The following ADAMTS12 variants were observed in gnomAD, a reference collection of about 807,000 sequenced individuals.
ADAMTS12 encodes the protein ADAM metallopeptidase with thrombospondin type 1 motif 12.
ADAMTS12 carries 118 observed loss-of-function variants against 167.8 expected under a neutral mutation model. The ratio of observed to expected loss-of-function variants is 0.70; its 90% CI spans 0.61 to 0.82. The LOEUF is 0.82. ADAMTS12 is among the 40% of genes least tolerant of loss of function. ADAMTS12 has a pLI of 0.00. For missense variants in ADAMTS12, 1,916 were observed against 1,998.8 expected, an observed-to-expected ratio of 0.96 and a Z score of 0.79; for synonymous variants, 704 against 716.9, an observed-to-expected ratio of 0.98 and a Z score of 0.29.
intron 2 of ADAMTS12, among the ~76,000 whole-genome samples, chr5:33,809,983 GAAA>G (rs202032209): frequency 0.3 from 35,098 of 118,004 alleles, 4,369 homozygotes; most frequent in East Asian, 0.41. Flanking sequence ...AAGTTTAACA[GAAA>G]AAAAAAAAAA....
At chr5:33,573,477 C>T (rs1370295844) in intron 19 of ADAMTS12, among the ~76,000 whole-genome samples, 1 of 152,098 alleles carries the variant, frequency 6.6e-6, no homozygotes, top group East Asian at 1.9e-4. Flanking sequence ...TTTGACAAAC[C>T]TGAGAAAAAC....
chr5:33,819,014 A>T (rs1175391235), intron 2 of ADAMTS12, among the ~76,000 whole-genome samples: 5 of 151,850 alleles, frequency 3.3e-5, no homozygotes, highest in African/African-American at 1.2e-4. Context: ...TAGTTTACAA[A>T]TTTTTTTCCC....
At position 33,615,975 on chromosome 5, in the gene ADAMTS12, A is replaced by G. The variant is rs139915816; in HGVS notation, c.2241T>C (p.Asp747=). The change falls in exon 15 of 24, where the codon GAT becomes GAC. Residue 747 remains aspartate, a synonymous_variant. Transcript: ENST00000504830. ...CTCCATTCAGGTAATATTTTTCAGG[A>G]TCTTCACTCCTGATGGCCAGGAAGT... is the stretch of plus-strand genomic sequence containing the variant. The part of the protein sequence containing the change: ...AGNFLAIRSE[D]PEKYYLNGGF... The G allele has an allele frequency of 1.9e-6, 3 of 1,614,002 alleles. No homozygotes were observed. The African/African-American group carries it at 4.0e-5, about 22-fold the overall frequency.
At chr5:33,815,645 C>T (rs1747624880) in intron 2 of ADAMTS12, among the ~76,000 whole-genome samples, 1 of 152,196 alleles carries the variant, frequency 6.6e-6, no homozygotes, top group African/African-American at 2.4e-5. Flanking sequence ...TTAGCTAGGA[C>T]ATCAACGTTA....
chr5:33,557,894 G>A (rs256637), intron 20 of ADAMTS12, among the ~76,000 whole-genome samples: 43,784 of 151,798 alleles, frequency 0.29, 7,727 homozygotes, highest in East Asian at 0.59. Flanking sequence ...TTCTCATAGG[G>A]ATGCAAAGCC....
chr5:33,787,374 T>C (rs2112451358), intron 2 of ADAMTS12, among the ~76,000 whole-genome samples: 1 of 152,364 alleles, frequency 6.6e-6, no homozygotes, highest in South Asian at 2.1e-4. Flanking sequence ...CACTGTCCAC[T>C]TTTCGAATGT....
At chr5:33,569,820 C>T (rs544454806) in intron 19 of ADAMTS12, among the ~76,000 whole-genome samples, 1 of 152,216 alleles carries the variant, frequency 6.6e-6, no homozygotes, top group African/African-American at 2.4e-5. Flanking sequence ...GAAATTCAAA[C>T]CAAAGGCAAA....
At chr5:33,597,683 A>AT (rs68042107) in intron 16 of ADAMTS12, among the ~76,000 whole-genome samples, 64 of 150,370 alleles carry the variant, frequency 4.3e-4, no homozygotes, top group African/African-American at 9.3e-4. Context: ...AAAAAGAACA[A>AT]TTTTTTTTTT....
Position 33,648,821 on chromosome 5 carries a change from C to T in ADAMTS12, c.1479+1G>A. ...ATATAGCCACCAAGAGGTACACTTA[C>T]TTCTACTTCCTGGCAGAAGGTAGCA... On this transcript the variant is annotated splice_donor_variant, in intron 9 of 23. Transcript: ENST00000504830. LOFTEE classifies it high-confidence loss of function. The T allele has an allele frequency of 6.2e-7, 1 of 1,614,068 alleles. No individual in the cohort carries two copies. Among genetic ancestry groups the T allele is most frequent in the Non-Finnish European group, 8.5e-7 (1 of 1,179,938 alleles).
chr5:33,585,399 T>A (rs56297603), intron 18 of ADAMTS12, among the ~76,000 whole-genome samples: 6,095 of 152,322 alleles, frequency 0.04, 383 homozygotes, highest in African/African-American at 0.13. Context: ...AGTTCACCAC[T>A]TCAATGTCTA....
At chr5:33,853,192 A>G (rs897721280) in intron 2 of ADAMTS12, among the ~76,000 whole-genome samples, 1 of 152,220 alleles carries the variant, frequency 6.6e-6, no homozygotes, top group Non-Finnish European at 1.5e-5. Flanking sequence ...GAGAATATTT[A>G]TAACATCAAG....
At position 33,849,343 on chromosome 5, in the gene ADAMTS12, AAT is replaced by A. The variant is rs1444686970; in HGVS notation, c.489+31774_489+31775del. ...GCTATATATATATGTATTGAATAGCAATATATATATGTATTGAATAGCAATAT... is the reference window on the plus strand; with the variant it reads ...GCTATATATATATGTATTGAATAGCAATATATATGTATTGAATAGCAATAT... On this transcript the variant is annotated intron_variant, in intron 2 of 23. Transcript: ENST00000504830. 9.7e-4 allele frequency among the ~76,000 whole-genome samples: 126 copies of A among 130,288 alleles called. 7 individuals carry two copies. Among genetic ancestry groups the A allele is most frequent in the African/African-American group, 3.2e-3 (112 of 35,494 alleles). The allele number at this position is 130,288 out of a possible 152,430, so 85.5% of individuals were successfully genotyped here. A position where few individuals can be genotyped will look rare whatever the true frequency, so the allele number is the denominator to read the frequency against.
intron 16 of ADAMTS12, among the ~76,000 whole-genome samples, chr5:33,610,605 T>C (rs1738682676): frequency 5.3e-5 from 8 of 152,210 alleles, no homozygotes; most frequent in Non-Finnish European, 1.5e-5. Context: ...CCTAGGCATT[T>C]TACTTTTAGG....
At chr5:33,714,159 C>A (rs991193812) in intron 3 of ADAMTS12, among the ~76,000 whole-genome samples, 1 of 151,964 alleles carries the variant, frequency 6.6e-6, no homozygotes, top group Non-Finnish European at 1.5e-5. Context: ...CTACAGCTGC[C>A]TATATGTTAC....
chr5:33,540,604 C>T (rs1333137627), intron 22 of ADAMTS12, among the ~76,000 whole-genome samples: 2 of 152,218 alleles, frequency 1.3e-5, no homozygotes, highest in East Asian at 3.9e-4. Context: ...TGGGACGAAG[C>T]TTCCAGGGGA....
intron 2 of ADAMTS12, among the ~76,000 whole-genome samples, chr5:33,780,712 C>T (rs897719033): frequency 6.6e-6 from 1 of 152,146 alleles, no homozygotes; most frequent in Non-Finnish European, 1.5e-5. Flanking sequence ...TTTTCTAAAT[C>T]GTATTGCTTT....
intron 2 of ADAMTS12, among the ~76,000 whole-genome samples, chr5:33,772,440 C>T (rs1264998767): frequency 1.3e-5 from 2 of 152,248 alleles, no homozygotes; most frequent in East Asian, 1.9e-4. Context: ...TGAGATGAAA[C>T]TAATTTACCA....
chr5:33,646,106 C>T (rs147662489), intron 9 of ADAMTS12, among the ~76,000 whole-genome samples: 32 of 152,168 alleles, frequency 2.1e-4, no homozygotes, highest in South Asian at 4.2e-4. Context: ...AGGCTGTTCA[C>T]GACAGATAAA....
intron 2 of ADAMTS12, among the ~76,000 whole-genome samples, chr5:33,816,120 G>A (rs369903759): frequency 1.3e-5 from 2 of 152,078 alleles, no homozygotes; most frequent in East Asian, 1.9e-4. Context: ...AATGCGCACC[G>A]CCTGTCAGAT....
Sources: allele counts gnomAD v4.1 joint callset (sites outside exome capture counted in the v4.1 genomes callset), GRCh38; gene constraint gnomAD v4.1.1; transcripts MANE v1.5; gene names NCBI Gene and HGNC (gene_info 2026-07-23, HGNC 2026-07-21).